KAZN: variants seen among roughly 807,000 people sequenced by gnomAD.
KAZN encodes kazrin, periplakin interacting protein.
In KAZN, 40 loss-of-function variants were observed where a neutral mutation model predicts 87.4. The observed-to-expected ratio is 0.46, with a 90% confidence interval of 0.36 to 0.60. KAZN has a LOEUF of 0.60. KAZN is among the 20% of genes least tolerant of loss of function. KAZN has a pLI of 0.00. For synonymous variants in KAZN, 466 were observed against 458.3 expected, an observed-to-expected ratio of 1.02 and a Z score of -0.22; for missense variants, 898 against 1,073.9, an observed-to-expected ratio of 0.84 and a Z score of 2.29.
intron 1 of KAZN, among the ~76,000 whole-genome samples, chr1:14,004,094 T>G (rs551363553): frequency 1.6e-5 from 2 of 127,074 alleles, no homozygotes; most frequent in Non-Finnish European, 3.4e-5. Context: ...AAAGAGGATA[T>G]CTAAACTGCC....
intron 2 of KAZN, among the ~76,000 whole-genome samples, chr1:14,544,350 C>CTTTCTTTTTTTTTTTTTTTTTTTT (rs1553186409): frequency 1.0e-5 from 1 of 98,118 alleles, no homozygotes; most frequent in African/African-American, 3.9e-5. Flanking sequence ...TTCTTTCTTT[C>CTTTCTTTTTTTTTTTTTTTTTTTT]TTTTTTTTTT....
At chr1:13,979,926 G>A (rs1211969285) in intron 1 of KAZN, among the ~76,000 whole-genome samples, 8 of 71,960 alleles carry the variant, frequency 1.1e-4, no homozygotes, top group South Asian at 5.9e-4. Flanking sequence ...GCAAGACTCC[G>A]TCTCAAAAAA....
intron 1 of KAZN, among the ~76,000 whole-genome samples, chr1:14,893,460 C>T (rs1216544716): frequency 6.6e-6 from 1 of 152,172 alleles, no homozygotes; most frequent in African/African-American, 2.4e-5. Flanking sequence ...AAGTAGGTCA[C>T]GGGGGCTTCT....
chr1:14,163,295 C>T (rs1412332106), intron 1 of KAZN, among the ~76,000 whole-genome samples: 2 of 152,154 alleles, frequency 1.3e-5, no homozygotes, highest in Non-Finnish European at 2.9e-5. Flanking sequence ...ACTTGAGAGA[C>T]CCAAGTGCCC....
At chr1:14,766,061 T>A (rs1644875013) in intron 1 of KAZN, among the ~76,000 whole-genome samples, 1 of 152,028 alleles carries the variant, frequency 6.6e-6, no homozygotes, top group Non-Finnish European at 1.5e-5. Context: ...GTGACGCCCA[T>A]GAAACTCCAG....
chr1:14,295,005 T>C (rs1654005441), intron 2 of KAZN, among the ~76,000 whole-genome samples: 1 of 152,014 alleles, frequency 6.6e-6, no homozygotes, highest in Admixed American at 6.5e-5. Context: ...CCCGTGCTTA[T>C]CTACAGGCTC....
intron 1 of KAZN, among the ~76,000 whole-genome samples, chr1:14,638,080 C>T (rs1164508687): frequency 1.3e-5 from 2 of 152,164 alleles, no homozygotes; most frequent in Admixed American, 6.5e-5. Context: ...TCTTCGTCTC[C>T]GTGTGTCCTC....
chr1:15,055,960 C>T (rs565041307), intron 4 of KAZN, 131 bp from the exon 5 acceptor site: 13 of 858,156 alleles, frequency 1.5e-5, no homozygotes, highest in Admixed American at 5.3e-5. Flanking sequence ...AATTGACGCT[C>T]GATGCCGAGC....
At chr1:14,377,699 G>A (rs908467882) in intron 2 of KAZN, among the ~76,000 whole-genome samples, 2 of 152,158 alleles carry the variant, frequency 1.3e-5, no homozygotes, top group African/African-American at 4.8e-5. Flanking sequence ...TTCTAGTATG[G>A]AAAGCCTGCT....
intron 1 of KAZN, among the ~76,000 whole-genome samples, chr1:14,837,458 C>T (rs1647388982): frequency 6.6e-6 from 1 of 152,176 alleles, no homozygotes; most frequent in African/African-American, 2.4e-5. Context: ...CTCAACCTCC[C>T]AAAGTGCTGG....
intron 1 of KAZN, among the ~76,000 whole-genome samples, chr1:14,759,647 A>T (rs1644678352): frequency 6.6e-6 from 1 of 152,188 alleles, no homozygotes; most frequent in Non-Finnish European, 1.5e-5. Flanking sequence ...GACGGCTTTA[A>T]TATTTCATGA....
intron 1 of KAZN, among the ~76,000 whole-genome samples, chr1:13,949,040 T>G (rs1641250259): frequency 6.6e-6 from 1 of 152,204 alleles, no homozygotes; most frequent in African/African-American, 2.4e-5. Context: ...AATACGCTGA[T>G]AAATGCTGAG....
At chr1:14,362,207 C>G (rs1316625114) in intron 2 of KAZN, among the ~76,000 whole-genome samples, 1 of 152,128 alleles carries the variant, frequency 6.6e-6, no homozygotes, top group Non-Finnish European at 1.5e-5. Context: ...CATCTGAAGG[C>G]TTGATTGGGA....
chr1:14,726,747 A>G (rs968153028), intron 1 of KAZN, among the ~76,000 whole-genome samples: 1 of 152,200 alleles, frequency 6.6e-6, no homozygotes, highest in Non-Finnish European at 1.5e-5. Flanking sequence ...CAACATCTGC[A>G]TCCCCGGGGA....
rs1641802959 is a variant in KAZN at position 15,115,237 on chromosome 1, A to C, written c.*602A>C. ...GGAGAATGCAAAATCCTTCCACCTG[A>C]AAAGCTCTGTGACACATGGGGGTGG... On this transcript the variant is annotated 3_prime_UTR_variant, in exon 15 of 15. Coordinates refer to ENST00000376030, the MANE Select transcript of KAZN (RefSeq NM_201628.3). This position sits in a 1 kb window ranked among gnomAD's most constrained non-coding sequence, Gnocchi z 4.1. The C allele has an allele frequency of 6.6e-6, 1 of 152,400 alleles. No homozygotes were observed. The highest frequency in any genetic ancestry group is 1.5e-5 in the Non-Finnish European group (1 of 68,204). The allele number at this position is 152,400 out of a possible 1,614,324, so 9.4% of individuals were successfully genotyped here. A position where few individuals can be genotyped will look rare whatever the true frequency, so the allele number is the denominator to read the frequency against.
chr1:14,795,614 C>A lies in KAZN; in HGVS notation c.227-165070C>A, dbSNP rs913533994. Among the ~76,000 whole-genome samples the A allele has an allele frequency of 2.6e-5, 4 of 152,202 alleles. No homozygotes were observed. The East Asian group carries it at 7.8e-4, about 30-fold the overall frequency. On this transcript the variant is annotated intron_variant, in intron 1 of 14. Transcript: ENST00000376030. Reference sequence around the variant, plus strand: ...ATCCATCAGAACCTGCAAAAGTAACCTAAATCTGCCCAACCTCGCTCCCAC... The same window carrying A: ...ATCCATCAGAACCTGCAAAAGTAACATAAATCTGCCCAACCTCGCTCCCAC...
rs1655668769 is a variant in KAZN, at chr1:14,899,887, C to T, written c.227-60797C>T. 2.0e-5 allele frequency among the ~76,000 whole-genome samples: 3 copies of T among 152,248 alleles called. No individual in the cohort carries two copies. In the South Asian group the frequency reaches 6.2e-4, roughly 32 times the overall value. ...TCTGGGCATTCAGAGTGGCAGGTTC[C>T]TATCGCCCTCTCTCCTCTGCCAATG... is the stretch of plus-strand genomic sequence containing the variant. On this transcript the variant is annotated intron_variant, in intron 1 of 14. Transcript: ENST00000376030.
rs1014328912 is a variant in KAZN at position 14,891,658 on chromosome 1, T to G, written c.227-69026T>G. On this transcript the variant is annotated intron_variant, in intron 1 of 14. Coordinates refer to ENST00000376030, the MANE Select transcript of KAZN (RefSeq NM_201628.3). Reference sequence around the variant, plus strand: ...TTGAATTGTTTTTTCTAAAAGCAAGTTAGCCTGTGTCATGCTGATTTCTGG... The same window carrying G: ...TTGAATTGTTTTTTCTAAAAGCAAGGTAGCCTGTGTCATGCTGATTTCTGG... Among the ~76,000 whole-genome samples the G allele has an allele frequency of 2.0e-5, 3 of 152,196 alleles. No individual in the cohort carries two copies. In the East Asian group the frequency reaches 5.8e-4, roughly 29 times the overall value.
chr1:13,933,144 C>T (rs1640591666), intron 1 of KAZN, among the ~76,000 whole-genome samples: 1 of 151,892 alleles, frequency 6.6e-6, no homozygotes, highest in African/African-American at 2.4e-5. Flanking sequence ...TTAATGTCCT[C>T]TTTTTGTTTC....
Sources: allele counts gnomAD v4.1 joint callset (sites outside exome capture counted in the v4.1 genomes callset), GRCh38; gene constraint gnomAD v4.1.1; non-coding constraint Gnocchi (gnomAD v3.1); transcripts MANE v1.5; gene names NCBI Gene and HGNC (gene_info 2026-07-23, HGNC 2026-07-21).